Variants in B3GALNT2 observed in about 807,000 individuals in gnomAD.
The protein encoded by B3GALNT2 is beta-1,3-N-acetylgalactosaminyltransferase 2.
B3GALNT2 carries 53 observed loss-of-function variants against 61.1 expected under a neutral mutation model. The observed-to-expected ratio is 0.87, with a 90% CI of 0.70 to 1.09. B3GALNT2 has a LOEUF of 1.09. Ranked by LOEUF, B3GALNT2 falls within the 50% of genes least tolerant of loss-of-function variation. The pLI, the probability that B3GALNT2 is intolerant of heterozygous loss-of-function variation, is 0.00. For synonymous variants in B3GALNT2, 223 were observed against 237.4 expected (o/e 0.94, Z 0.56); for missense variants, 544 against 623.0 (o/e 0.87, Z 1.35).
intron 1 of B3GALNT2, among the ~76,000 whole-genome samples, chr1:235,498,169 G>A (rs1685414994): frequency 6.6e-6 from 1 of 152,122 alleles, no homozygotes; most frequent in African/African-American, 2.4e-5. Context: ...AAAACCCAAA[G>A]CAGATGCATA....
Position 235,448,441 on chromosome 1 carries a change from G to T in B3GALNT2, c.*1765C>A, listed in dbSNP as rs368693037. On this transcript the variant is annotated 3_prime_UTR_variant, in exon 12 of 12. Transcript: ENST00000366600. ...TCTGTTGTCCTATGAAAGTCCCAAAGTAAGTTGCCCAGCAAAATACAAAGT... is the reference window on the plus strand; with the variant it reads ...TCTGTTGTCCTATGAAAGTCCCAAATTAAGTTGCCCAGCAAAATACAAAGT... 60 of 1,613,912 alleles carry T rather than the reference G, an allele frequency of 3.7e-5. No homozygotes were observed. Among genetic ancestry groups the T allele is most frequent in the Non-Finnish European group, 4.9e-5 (58 of 1,179,920 alleles).
intron 7 of B3GALNT2, chr1:235,464,400 T>C (rs1451261919): frequency 6.6e-6 from 1 of 151,732 alleles, no homozygotes; most frequent in Non-Finnish European, 1.5e-5. Context: ...AATGACTCTC[T>C]CTCCCCTCCT....
At chr1:235,443,026 G>C (rs566329297), downstream of B3GALNT2, 358 of 996,218 alleles carry the variant, frequency 3.6e-4, 3 homozygotes, top group South Asian at 3.4e-3. Context: ...AGAACTTACA[G>C]GTTTTCATTA....
chr1:235,460,228 T>G (rs1025864570), intron 7 of B3GALNT2, among the ~76,000 whole-genome samples: 2 of 152,136 alleles, frequency 1.3e-5, no homozygotes, highest in Admixed American at 6.6e-5. Context: ...TTCTCCTGTC[T>G]CAGCCTCCCT....
intron 11 of B3GALNT2, chr1:235,451,308 TAGTC>T (rs1436727175): frequency 6.6e-6 from 1 of 152,110 alleles, no homozygotes; most frequent in Admixed American, 6.5e-5. Flanking sequence ...CTGGGGCTGG[TAGTC>T]AGTCTGTGTA....
intron 6 of B3GALNT2, among the ~76,000 whole-genome samples, chr1:235,469,072 T>A (rs1249480376): frequency 6.6e-6 from 1 of 152,188 alleles, no homozygotes; most frequent in African/African-American, 2.4e-5. Flanking sequence ...TACATATGAA[T>A]CTATGGGTCT....
chr1:235,450,561 C>T lies in B3GALNT2; in HGVS notation c.1369-221G>A, dbSNP rs915951947. 18 of 502,338 alleles carry T rather than the reference C, an allele frequency of 3.6e-5. 1 individual carries two copies. The South Asian group carries it at 3.7e-4, about 10-fold the overall frequency. 31.1% of individuals were successfully genotyped at this position (502,338 alleles called of 1,614,324 possible). A position where few individuals can be genotyped will look rare whatever the true frequency, so the allele number is the denominator to read the frequency against. The stretch of plus-strand genomic sequence containing the variant: ...GTGGCTGTGGAATACAGAAACAAGG[C>T]GGTGTGTGGATGAAGAGTTAGTCAA... On this transcript the variant is annotated intron_variant, in intron 11 of 11. Coordinates refer to ENST00000366600, the MANE Select transcript of B3GALNT2 (RefSeq NM_152490.5).
chr1:235,470,387 T>C (rs1207154724), intron 6 of B3GALNT2, among the ~76,000 whole-genome samples: 1 of 151,958 alleles, frequency 6.6e-6, no homozygotes, highest in Non-Finnish European at 1.5e-5. Context: ...GCCCAGAAGT[T>C]TGCAACCAGC....
At position 235,450,306 on chromosome 1, in the gene B3GALNT2, G is replaced by T; in HGVS notation, c.1403C>A (p.Thr468Lys). 1 of 1,613,958 alleles carries T rather than the reference G, an allele frequency of 6.2e-7. No homozygotes were observed. Among genetic ancestry groups the T allele is most frequent in the Non-Finnish European group, 8.5e-7 (1 of 1,179,802 alleles). The change falls in exon 12 of 12, where the codon ACA (threonine) becomes AAA (lysine). Residue 468 changes from threonine (T) to lysine (K), a missense_variant. Transcript: ENST00000366600. The part of the protein sequence containing the change: ...SLWLCEKTCE[T>K]GMLSSPQYSP... ...ATACTGAGGAGAAGACAGCATTCCT[G>T]TCTCACAGGTCTTCTCACACAGCCA...
chr1:235,464,237 A>G (rs1286728321), intron 7 of B3GALNT2: 2 of 152,250 alleles, frequency 1.3e-5, no homozygotes, highest in African/African-American at 4.8e-5. Context: ...ATCAAAATTT[A>G]CAACTTTTGT....
chr1:235,484,690 T>C, intron 3 of B3GALNT2, 175 bp from the exon 4 acceptor site: 1 of 1,210,286 alleles, frequency 8.3e-7, no homozygotes, highest in Non-Finnish European at 1.1e-6. Context: ...TATATAAACA[T>C]TTTTGAAATT....
At chr1:235,492,312 T>A (rs1240431429) in intron 2 of B3GALNT2, among the ~76,000 whole-genome samples, 1 of 152,200 alleles carries the variant, frequency 6.6e-6, no homozygotes, top group African/African-American at 2.4e-5. Flanking sequence ...TTTTTAGCCA[T>A]CTTACTAGGT....
rs1337185924 is a variant in B3GALNT2 at position 235,447,841 on chromosome 1, CAGT to C, written c.*2362_*2364del. ...TTAGGTCCGTTGGCTCCGTTTCCCACAGTTCCCCAAATGAACAGGTGGTACAAG... is the reference window on the plus strand; with the variant it reads ...TTAGGTCCGTTGGCTCCGTTTCCCACTCCCCAAATGAACAGGTGGTACAAG... On this transcript the variant is annotated 3_prime_UTR_variant, in exon 12 of 12. Transcript: ENST00000366600. 1.3e-5 allele frequency among the ~76,000 whole-genome samples: 2 copies of C among 152,270 alleles called. No homozygotes were observed. Among genetic ancestry groups the C allele is most frequent in the Middle Eastern group, 3.4e-3 (1 of 294 alleles).
At chr1:235,477,766 CT>C (rs1400156091) in intron 5 of B3GALNT2, among the ~76,000 whole-genome samples, 4 of 152,162 alleles carry the variant, frequency 2.6e-5, no homozygotes, top group Admixed American at 6.5e-5. Flanking sequence ...CAAATTGCCC[CT>C]GGTGAAGAAA....
chr1:235,503,463 A>G (rs1685677868), intron 1 of B3GALNT2, among the ~76,000 whole-genome samples: 2 of 152,264 alleles, frequency 1.3e-5, no homozygotes, highest in South Asian at 4.1e-4. Flanking sequence ...GTTTTAGAGC[A>G]AATGGACACG....
chr1:235,452,112 A>G (rs1682942574), intron 11 of B3GALNT2: 1 of 152,006 alleles, frequency 6.6e-6, no homozygotes, highest in Admixed American at 6.5e-5. Context: ...CCCCGGGTTC[A>G]TGCCATTCTC....
chr1:235,503,406 C>T (rs1459101135), intron 1 of B3GALNT2, among the ~76,000 whole-genome samples: 2 of 152,240 alleles, frequency 1.3e-5, no homozygotes, highest in African/African-American at 4.8e-5. Context: ...TTCTATTAGG[C>T]TGTGACGCGA....
chr1:235,457,720 T>TA (rs1366810110), intron 8 of B3GALNT2, among the ~76,000 whole-genome samples: 1 of 152,004 alleles, frequency 6.6e-6, no homozygotes, highest in Non-Finnish European at 1.5e-5. Context: ...AAGTATAAGG[T>TA]GGATATTCAG....
At chr1:235,496,323 A>G (rs765350181) in intron 1 of B3GALNT2, 1 of 1,048,542 alleles carries the variant, frequency 9.5e-7, no homozygotes, top group East Asian at 9.4e-5. Flanking sequence ...AAAAAAAAAA[A>G]AAGTTCCATT....
Sources: gnomAD v4.1 joint callset for allele counts (sites outside exome capture counted in the v4.1 genomes callset) on GRCh38, gnomAD v4.1.1 for gene constraint, MANE v1.5 for transcripts, NCBI Gene and HGNC (gene_info 2026-07-23, HGNC 2026-07-21) for gene names.